Variants in PER1 observed in about 807,000 individuals in gnomAD.
PER1 encodes the protein period circadian protein homolog 1.
A neutral mutation model predicts 125.9 loss-of-function variants in PER1; 87 were observed. That is an observed-to-expected ratio of 0.69 (90% CI 0.58 to 0.83). The LOEUF (loss-of-function observed/expected upper bound fraction) is 0.83. Among genes scored for constraint, PER1 ranks in the 40% least tolerant of loss-of-function variants. The probability of loss-of-function intolerance (pLI) is 0.00; values close to 1 mark genes in which losing one functional copy is unlikely to be tolerated. For synonymous variants in PER1, 801 were observed against 714.7 expected (o/e 1.12, Z -1.93); for missense variants, 1,775 against 1,722.8 (o/e 1.03, Z -0.54).
In PER1 at chr17:8,144,060, G is replaced by A. The variant is rs775989312; in HGVS notation, c.2462-184C>T. ...TTCAGGGAAGAATCACAGGAGCCAG[G>A]GACAAGGGGATTTATTGAGAAAGGA... On this transcript the variant is annotated intron_variant, in intron 18 of 22. Coordinates refer to ENST00000317276, the MANE Select transcript of PER1 (RefSeq NM_002616.3). 30 of 882,766 alleles carry A rather than the reference G, an allele frequency of 3.4e-5. 1 individual carries two copies. Among genetic ancestry groups the A allele is most frequent in the Non-Finnish European group, 4.7e-5 (29 of 611,682 alleles). 54.7% of individuals were successfully genotyped at this position (882,766 alleles called of 1,614,324 possible).
chr17:8,150,809 G>A lies in PER1; in HGVS notation c.-103C>T. The A allele has an allele frequency of 9.0e-7, 1 of 1,111,538 alleles. No individual in the cohort carries two copies. Among genetic ancestry groups the A allele is most frequent in the African/African-American group, 1.6e-5 (1 of 64,008 alleles). 68.9% of individuals were successfully genotyped at this position (1,111,538 alleles called of 1,614,324 possible). On this transcript the variant is annotated 5_prime_UTR_variant, in exon 2 of 23. Coordinates refer to ENST00000317276, the MANE Select transcript of PER1 (RefSeq NM_002616.3). ...TGAGGGAGTGAGGTGGAAGATCTAA[G>A]TCTCTGAGGGTTGAGAAGTTCGATC... is the stretch of plus-strand genomic sequence containing the variant.
chr17:8,143,251 G>A lies in PER1; in HGVS notation c.3072+15C>T, dbSNP rs780981547. ...GGGTGGGGGCTGGCAGGCAGACGCA[G>A]GGGTCAGTGCTCACCAGTCTGGCCT... On this transcript the variant is annotated intron_variant, in intron 19 of 22. Coordinates refer to ENST00000317276, the MANE Select transcript of PER1 (RefSeq NM_002616.3). 39 of 1,466,024 alleles carry A rather than the reference G, an allele frequency of 2.7e-5. No individual in the cohort carries two copies. In the East Asian group the frequency reaches 9.1e-4, roughly 34 times the overall value. 90.8% of individuals were successfully genotyped at this position (1,466,024 alleles called of 1,614,324 possible).
At position 8,147,249 on chromosome 17, in the gene PER1, C is replaced by T; in HGVS notation, c.1629+1G>A. 6.2e-7 allele frequency: 1 copy of T among 1,605,074 alleles called. No homozygotes were observed. The highest frequency in any genetic ancestry group is 8.5e-7 in the Non-Finnish European group (1 of 1,175,776). Reference sequence around the variant, plus strand: ...GGGTGAGGTAGGAGCAGGTCACTCACTGGCGCAGGAGGCCCAGGCCCCTCT... The same window carrying T: ...GGGTGAGGTAGGAGCAGGTCACTCATTGGCGCAGGAGGCCCAGGCCCCTCT... On this transcript the variant is annotated splice_donor_variant, in intron 13 of 22. Coordinates refer to ENST00000317276, the MANE Select transcript of PER1 (RefSeq NM_002616.3). LOFTEE classifies it high-confidence loss of function.
At chr17:8,147,191 G>A (rs1982504951) in intron 13 of PER1, 59 bp downstream of exon 13, 5 of 1,552,284 alleles carry the variant, frequency 3.2e-6, no homozygotes, top group Non-Finnish European at 4.4e-6. Context: ...GGCAGTGCTG[G>A]TTCCAAGAAG....
Position 8,142,884 on chromosome 17 carries a change from G to A in PER1, c.3073-49C>T, listed in dbSNP as rs753489886. ...GAGGGATGGAGGGGTCAGCACCTAG[G>A]CCTCCCTTCAACTGCTCTTACTGGT... On this transcript the variant is annotated intron_variant, in intron 19 of 22. Transcript: ENST00000317276. 9.9e-6 allele frequency: 14 copies of A among 1,414,078 alleles called. No homozygotes were observed. The African/African-American group carries it at 2.0e-4, about 20-fold the overall frequency. 87.6% of individuals were successfully genotyped at this position (1,414,078 alleles called of 1,614,324 possible).
At position 8,141,055 on chromosome 17, in the gene PER1, C is replaced by A; in HGVS notation, c.*13G>T. ...CCTCTCATGGACTCCTGGAGATGGT[C>A]CCAGAATGGAGTCTAGCTGGTGCAG... On this transcript the variant is annotated 3_prime_UTR_variant, in exon 23 of 23. Coordinates refer to ENST00000317276, the MANE Select transcript of PER1 (RefSeq NM_002616.3). The A allele has an allele frequency of 1.2e-6, 2 of 1,603,622 alleles. No homozygotes were observed. The highest frequency in any genetic ancestry group is 2.2e-5 in the South Asian group (2 of 89,806).
At chr17:8,141,546 T>C (rs562519882) in intron 22 of PER1, among the ~76,000 whole-genome samples, 2 of 152,324 alleles carry the variant, frequency 1.3e-5, no homozygotes, top group South Asian at 4.1e-4. Flanking sequence ...TCACAATGCA[T>C]ATTAGCATAG....
chr17:8,149,925 CG>C, intron 4 of PER1, 45 bp downstream of exon 4: 1 of 1,613,968 alleles, frequency 6.2e-7, no homozygotes, highest in Non-Finnish European at 8.5e-7. Context: ...TGCCTCAACA[CG>C]GGAGCCCAGG....
chr17:8,149,864 T>G lies in PER1; in HGVS notation c.542A>C (p.Tyr181Ser), dbSNP rs772368223. ...CVKQVQANQE[Y>S]YQQWSLEEGE... ...CTCCTCCAGGCTCCACTGCTGGTAG[T>G]ATTCCTGGTTGGCTGCAGAGTGGAG... Residue 181 changes from tyrosine to serine, a missense_variant, in exon 5 of 23, where the codon TAC becomes TCC. Physicochemically the swap from Tyr to Ser is moderately radical, Grantham distance 144. Transcript: ENST00000317276. 1.9e-5 allele frequency: 30 copies of G among 1,614,038 alleles called. No homozygotes were observed. The highest frequency in any genetic ancestry group is 2.4e-5 in the Non-Finnish European group (28 of 1,180,036).
At chr17:8,147,973 G>A (rs1310520053) in intron 10 of PER1, 24 bp downstream of exon 10, 5 of 1,598,966 alleles carry the variant, frequency 3.1e-6, no homozygotes, top group Non-Finnish European at 4.3e-6. Context: ...AGTGGGAAGG[G>A]CGAGCAGGGC....
At chr17:8,143,170 AG>A in intron 19 of PER1, 95 bp downstream of exon 19, 1 of 942,210 alleles carries the variant, frequency 1.1e-6, no homozygotes, top group South Asian at 1.8e-5. Context: ...CTGGAGGCTG[AG>A]ACGCCAGCCT....
chr17:8,149,521 A>G lies in PER1; in HGVS notation c.794T>C (p.Val265Ala), dbSNP rs1317079887. ...AGATGGAGCAGTGGAACCATAGAAG[A>G]CTCCCACATCCTGGGGAGCCAGGAG... ...SELLAPQDVG[V>A]FYGSTAPSRL... Residue 265 changes from valine to alanine, a missense_variant, in exon 6 of 23, where the codon GTC becomes GCC. Coordinates refer to ENST00000317276, the MANE Select transcript of PER1 (RefSeq NM_002616.3). 6.2e-7 allele frequency: 1 copy of G among 1,613,496 alleles called. No homozygotes were observed.
chr17:8,146,671 C>G lies in PER1; in HGVS notation c.1830G>C (p.Leu610Phe), dbSNP rs141566517. The change falls in exon 15 of 23, where the codon TTG becomes TTC. Residue 610 changes from leucine to phenylalanine, a missense_variant. Coordinates refer to ENST00000317276, the MANE Select transcript of PER1 (RefSeq NM_002616.3). ...CTTTCCTCTCGGCCTCCTCAGGGAC[C>G]AAGGCTAGTGGGGCCTGGACGGGAG... ...GSAPVQAPLA[L>F]VPEEAERKEA... The G allele has an allele frequency of 5.6e-5, 90 of 1,613,758 alleles. No homozygotes were observed. Among genetic ancestry groups the G allele is most frequent in the Non-Finnish European group, 7.5e-5 (89 of 1,180,026 alleles).
At position 8,146,023 on chromosome 17, in the gene PER1, A is replaced by G; in HGVS notation, c.2153T>C (p.Val718Ala). ...GGAGCTGAAGCTACACTGACTGGTG[A>G]CGGACACCACACTCTCCGCCTTATT... ...LANKAESVVSVTSQCSFSSTI... is the reference protein window; with the variant it reads ...LANKAESVVSATSQCSFSSTI... The change falls in exon 17 of 23, where the codon GTC becomes GCC. Residue 718 changes from valine to alanine, a missense_variant. Physicochemically the swap from Val to Ala is moderately conservative, Grantham distance 64 (BLOSUM62 0). Coordinates refer to ENST00000317276, the MANE Select transcript of PER1 (RefSeq NM_002616.3). 6.2e-7 allele frequency: 1 copy of G among 1,613,986 alleles called. No homozygotes were observed. Among genetic ancestry groups the G allele is most frequent in the Non-Finnish European group, 8.5e-7 (1 of 1,179,946 alleles).
At chr17:8,142,000 C>T (rs1463671141) in intron 21 of PER1, 45 bp from the exon 22 acceptor site, 1 of 1,609,868 alleles carries the variant, frequency 6.2e-7, no homozygotes, top group South Asian at 1.1e-5. Context: ...GATCCAGGAC[C>T]CGGACCAGGA....
Position 8,143,605 on chromosome 17 carries a change from G to A in PER1, c.2733C>T (p.Pro911=), listed in dbSNP as rs202135265. ...APTSVPPAAF[P]APLVTPMVAL... ...CCACCATTGGGGTCACCAAAGGGGC[G>A]GGGAAAGCAGCTGGGGGCACAGATG... Residue 911 remains proline, a synonymous_variant, in exon 19 of 23, where the codon CCC becomes CCT. Transcript: ENST00000317276. 1.9e-4 allele frequency: 279 copies of A among 1,457,314 alleles called. No individual in the cohort carries two copies. The highest frequency in any genetic ancestry group is 8.6e-5 in the African/African-American group (6 of 70,152). 90.3% of individuals were successfully genotyped at this position (1,457,314 alleles called of 1,614,324 possible). A position where few individuals can be genotyped will look rare whatever the true frequency, so the allele number is the denominator to read the frequency against.
At position 8,146,058 on chromosome 17, in the gene PER1, G is replaced by A. The variant is rs773813301; in HGVS notation, c.2118C>T (p.Leu706=). The change falls in exon 17 of 23, where the codon CTC becomes CTT. Residue 706 remains leucine (L), a synonymous_variant. Transcript: ENST00000317276. ...EPVVGGTLSP[L]ALANKAESVV... ...CACTCTCCGCCTTATTGGCCAGGGC[G>A]AGCGGGCTCAGGGTGCCTCCCACCA... is the stretch of plus-strand genomic sequence containing the variant. 2.2e-5 allele frequency: 35 copies of A among 1,613,848 alleles called. No individual in the cohort carries two copies. Among genetic ancestry groups the A allele is most frequent in the Non-Finnish European group, 2.5e-5 (30 of 1,180,006 alleles).
intron 17 of PER1, 22 bp downstream of exon 17, chr17:8,145,936 C>G: frequency 3.2e-6 from 5 of 1,569,552 alleles, no homozygotes; most frequent in Admixed American, 3.6e-5. Context: ...CCAAGCACTG[C>G]CCCCCAATTC....
intron 22 of PER1, 123 bp downstream of exon 22, chr17:8,141,682 C>T: frequency 9.0e-7 from 1 of 1,107,182 alleles, no homozygotes; most frequent in Non-Finnish European, 1.2e-6. Context: ...CAGCTCTTGG[C>T]CTCGATCCCT....
Sources: gnomAD v4.1 joint callset for allele counts (sites outside exome capture counted in the v4.1 genomes callset) on GRCh38, gnomAD v4.1.1 for gene constraint, MANE v1.5 for transcripts, NCBI Gene and HGNC (gene_info 2026-07-23, HGNC 2026-07-21) for gene names.